Variants in PARD3B observed in about 807,000 individuals in gnomAD.
PARD3B encodes the protein par-3 family cell polarity regulator beta, also known as partitioning defective 3 homolog B.
Under a neutral mutation model 130.2 loss-of-function variants are expected in PARD3B, and 103 were observed. The ratio of observed to expected loss-of-function variants is 0.79; its 90% CI spans 0.67 to 0.93. The LOEUF is 0.93. Among genes scored for constraint, PARD3B ranks in the 40% least tolerant of loss-of-function variants. PARD3B has a pLI of 0.00. For missense variants in PARD3B, 1,609 were observed against 1,499.2 expected (o/e 1.07, Z -1.21); for synonymous variants, 583 against 553.2 (o/e 1.05, Z -0.76).
At chr2:205,559,681 T>C (rs6748169) in intron 22 of PARD3B, among the ~76,000 whole-genome samples, 142,199 of 148,662 alleles carry the variant, frequency 0.96, 68,285 homozygotes, top group East Asian at 1. Context: ...TCACCGCAAC[T>C]TCCGCCTCCC....
At chr2:205,602,730 A>T (rs1409877810) in intron 22 of PARD3B, among the ~76,000 whole-genome samples, 1 of 151,880 alleles carries the variant, frequency 6.6e-6, no homozygotes, top group Admixed American at 6.6e-5. Context: ...TTATCATTTT[A>T]TATTGTTTCT....
At chr2:205,013,975 A>G (rs1415287775) in intron 3 of PARD3B, among the ~76,000 whole-genome samples, 1 of 152,128 alleles carries the variant, frequency 6.6e-6, no homozygotes, top group African/African-American at 2.4e-5. Context: ...TTTACCTTCA[A>G]TCCTTGTCTG....
At chr2:204,883,438 T>TATATATATATAAA in intron 2 of PARD3B, among the ~76,000 whole-genome samples, 3 of 103,246 alleles carry the variant, frequency 2.9e-5, no homozygotes, top group African/African-American at 1.4e-4. Context: ...ATATAAAATA[T>TATATATATATAAA]ATATATATAT....
At chr2:205,232,361 G>A (rs1018142650) in intron 15 of PARD3B, among the ~76,000 whole-genome samples, 5 of 152,172 alleles carry the variant, frequency 3.3e-5, no homozygotes, top group Admixed American at 3.3e-4. Context: ...CTTGAGGCCA[G>A]GAGTTCAAGG....
At chr2:205,443,587 G>C (rs1023920167) in intron 20 of PARD3B, among the ~76,000 whole-genome samples, 1 of 152,176 alleles carries the variant, frequency 6.6e-6, no homozygotes, top group African/African-American at 2.4e-5. Context: ...ATTTGAACTG[G>C]CTCTAGAAGG....
rs986675094 is a variant in PARD3B, at chr2:205,352,616, A to G, written c.2631-48397A>G. On this transcript the variant is annotated intron_variant, in intron 18 of 22. Transcript: ENST00000406610. The surrounding 1 kb of genome is among the most constrained non-coding windows in gnomAD (Gnocchi z 5.2). ...AGGCACGAAATAACCATTTTGGAGC[A>G]GATACACAGGCATCAAATGAAGCTC... Among the ~76,000 whole-genome samples the G allele has an allele frequency of 1.3e-5, 2 of 152,230 alleles. No individual in the cohort carries two copies. The highest frequency in any genetic ancestry group is 2.9e-5 in the Non-Finnish European group (2 of 68,038).
chr2:204,603,369 A>G (rs963831978), intron 1 of PARD3B, among the ~76,000 whole-genome samples: 1 of 152,130 alleles, frequency 6.6e-6, no homozygotes, highest in Non-Finnish European at 1.5e-5. Context: ...TTAATTCACC[A>G]GTATTATTTC....
At chr2:204,849,183 A>T (rs565840267) in intron 2 of PARD3B, among the ~76,000 whole-genome samples, 5 of 152,176 alleles carry the variant, frequency 3.3e-5, no homozygotes, top group East Asian at 3.8e-4. Context: ...TTTGGGGTCT[A>T]TTAATCTTGA....
chr2:204,983,852 A>G (rs1295714241), intron 3 of PARD3B, among the ~76,000 whole-genome samples: 1 of 152,208 alleles, frequency 6.6e-6, no homozygotes, highest in East Asian at 1.9e-4. Context: ...TGTCCAATTC[A>G]GTATATAAGT....
chr2:204,665,802 C>T (rs1361480843), intron 1 of PARD3B, among the ~76,000 whole-genome samples: 1 of 152,104 alleles, frequency 6.6e-6, no homozygotes, highest in Admixed American at 6.6e-5. Flanking sequence ...ACATAGGCAT[C>T]GATTAGCGTA....
At chr2:205,541,884 C>G (rs1360917717) in intron 21 of PARD3B, among the ~76,000 whole-genome samples, 1 of 151,860 alleles carries the variant, frequency 6.6e-6, no homozygotes, top group Non-Finnish European at 1.5e-5. Flanking sequence ...TGGCTCACAC[C>G]TGTAATCCCA....
Position 205,125,585 on chromosome 2 carries a change from T to C in PARD3B, c.1306-24T>C, listed in dbSNP as rs748254038. 53 of 1,611,488 alleles carry C rather than the reference T, an allele frequency of 3.3e-5. No individual in the cohort carries two copies. The East Asian group carries it at 1.0e-3, about 31-fold the overall frequency. On this transcript the variant is annotated intron_variant, in intron 9 of 22. Transcript: ENST00000406610. This position sits in a 1 kb window ranked among gnomAD's most constrained non-coding sequence, Gnocchi z 4.0. ...AGATAACAAGTATTGTGATTGTGGC[T>C]GTTCATATGCTTTTATTCATTAGGT...
rs2051300398 is a variant in PARD3B, at chr2:205,525,565, G to A, written c.3180+25534G>A. On this transcript the variant is annotated intron_variant, in intron 21 of 22. Transcript: ENST00000406610. The surrounding 1 kb of genome is among the most constrained non-coding windows in gnomAD (Gnocchi z 4.2). ...TTCCTGCTATAAACATAGGGGTATT[G>A]GTTGCATGACTTTATTAGCTCCTAG... is the stretch of plus-strand genomic sequence containing the variant. Among the ~76,000 whole-genome samples, 1 of 152,146 alleles carries A rather than the reference G, an allele frequency of 6.6e-6. No homozygotes were observed. Among genetic ancestry groups the A allele is most frequent in the Admixed American group, 6.5e-5 (1 of 15,278 alleles).
intron 2 of PARD3B, among the ~76,000 whole-genome samples, chr2:204,900,707 T>G (rs544996240): frequency 6.6e-6 from 1 of 152,334 alleles, no homozygotes; most frequent in Admixed American, 6.5e-5. Flanking sequence ...TGGGCATTGA[T>G]GGCTTAGGTA....
At chr2:205,423,190 G>A (rs1041368848) in intron 19 of PARD3B, among the ~76,000 whole-genome samples, 7 of 152,162 alleles carry the variant, frequency 4.6e-5, no homozygotes, top group African/African-American at 1.2e-4. Context: ...TTGCTGAGCG[G>A]CGATTGCCTA....
intron 16 of PARD3B, among the ~76,000 whole-genome samples, chr2:205,275,837 CAAAAAAAAAAA>C (rs59238795): frequency 8.2e-5 from 5 of 60,652 alleles, no homozygotes; most frequent in African/African-American, 3.1e-4. Flanking sequence ...AACTTTGTCT[CAAAAAAAAAAA>C]AAAAAAAAAA....
chr2:205,592,708 CAGTT>C lies in PARD3B; in HGVS notation c.3261-22745_3261-22742del, dbSNP rs1362202427. 1.3e-5 allele frequency among the ~76,000 whole-genome samples: 2 copies of C among 152,186 alleles called. No homozygotes were observed. Among genetic ancestry groups the C allele is most frequent in the Admixed American group, 6.5e-5 (1 of 15,272 alleles). On this transcript the variant is annotated intron_variant, in intron 22 of 22. Coordinates refer to ENST00000406610, the MANE Select transcript of PARD3B (RefSeq NM_001302769.2). This position sits in a 1 kb window ranked among gnomAD's most constrained non-coding sequence, Gnocchi z 4.5. Reference sequence around the variant, plus strand: ...AACGTATATTTCTGAGATGATTACTCAGTTAGCTCATAGGAGGGGCATCTGATTC... The same window carrying C: ...AACGTATATTTCTGAGATGATTACTCAGCTCATAGGAGGGGCATCTGATTC...
At chr2:205,179,550 G>A (rs2035671613) in intron 13 of PARD3B, among the ~76,000 whole-genome samples, 1 of 152,142 alleles carries the variant, frequency 6.6e-6, no homozygotes, top group Admixed American at 6.5e-5. Flanking sequence ...TGTTGTAATT[G>A]CCTGTAGTAT....
intron 20 of PARD3B, among the ~76,000 whole-genome samples, chr2:205,469,668 C>T (rs1199079195): frequency 6.6e-6 from 1 of 152,182 alleles, no homozygotes; most frequent in Non-Finnish European, 1.5e-5. Flanking sequence ...TAAATCTCTT[C>T]CTCACACCCT....
Sources: gnomAD v4.1 joint callset for allele counts (sites outside exome capture counted in the v4.1 genomes callset) on GRCh38, gnomAD v4.1.1 for gene constraint, Gnocchi (gnomAD v3.1) non-coding constraint, MANE v1.5 for transcripts, NCBI Gene and HGNC (gene_info 2026-07-23, HGNC 2026-07-21) for gene names.